AGBL4: variants seen among roughly 807,000 people sequenced by gnomAD.
AGBL4 encodes the protein cytosolic carboxypeptidase 6.
AGBL4 carries 58 observed loss-of-function variants against 66.4 expected under a neutral mutation model. That is an observed-to-expected ratio of 0.87 (90% CI 0.71 to 1.09). The LOEUF is 1.09. Ranked by LOEUF, AGBL4 falls within the 50% of genes least tolerant of loss-of-function variation. The probability of loss-of-function intolerance (pLI) is 0.00; values close to 1 mark genes in which losing one functional copy is unlikely to be tolerated. For synonymous variants in AGBL4, 234 were observed against 222.9 expected (o/e 1.05, Z -0.44); for missense variants, 579 against 631.0 (o/e 0.92, Z 0.88).
At chr1:48,880,855 G>A (rs974577444) in intron 5 of AGBL4, among the ~76,000 whole-genome samples, 1 of 152,020 alleles carries the variant, frequency 6.6e-6, no homozygotes, top group African/African-American at 2.4e-5. Flanking sequence ...TTGTGACTTG[G>A]TGTATTCTGT....
At position 48,704,119 on chromosome 1, in the gene AGBL4, A is replaced by G. The variant is rs141392660; in HGVS notation, c.635-40878T>C. On this transcript the variant is annotated intron_variant, in intron 6 of 13. Coordinates refer to ENST00000371839, the MANE Select transcript of AGBL4 (RefSeq NM_032785.4). ...GTAACTCAATGGAAAGTATTTATGT[A>G]TCTAAGCATATCTACACTTGATCTT... Among the ~76,000 whole-genome samples the G allele has an allele frequency of 1.1e-4, 16 of 152,316 alleles. No homozygotes were observed. In the East Asian group the frequency reaches 2.7e-3, roughly 26 times the overall value.
rs1645437626 is a variant in AGBL4 at position 49,624,974 on chromosome 1, A to C, written c.282+72339T>G. Among the ~76,000 whole-genome samples the C allele has an allele frequency of 3.3e-5, 5 of 152,272 alleles. No homozygotes were observed. In the South Asian group the frequency reaches 1.0e-3, roughly 32 times the overall value. ...GTTTTTAACCCACATAAAGAAACTC[A>C]TTATGACTTTGGTGTTGTGATCTGG... On this transcript the variant is annotated intron_variant, in intron 3 of 13. Transcript: ENST00000371839.
At chr1:49,093,303 C>A (rs963069026) in intron 4 of AGBL4, among the ~76,000 whole-genome samples, 2 of 152,084 alleles carry the variant, frequency 1.3e-5, no homozygotes, top group Non-Finnish European at 2.9e-5. Context: ...AACAACACAA[C>A]GCATCTTGAA....
chr1:49,162,463 G>A (rs777644975), intron 4 of AGBL4, among the ~76,000 whole-genome samples: 1 of 152,162 alleles, frequency 6.6e-6, no homozygotes, highest in Non-Finnish European at 1.5e-5. Context: ...ATGAATAAAT[G>A]TGTTATATTT....
At chr1:49,976,820 C>T (rs984946395) in intron 1 of AGBL4, among the ~76,000 whole-genome samples, 1 of 152,180 alleles carries the variant, frequency 6.6e-6, no homozygotes, top group Admixed American at 6.5e-5. Context: ...TGACGCAGTC[C>T]TCTTTCAACC....
chr1:49,457,245 G>T (rs544924029), intron 3 of AGBL4, among the ~76,000 whole-genome samples: 3 of 151,620 alleles, frequency 2.0e-5, no homozygotes, highest in South Asian at 4.2e-4. Context: ...ATTATTTTTT[G>T]ATTTTTTGAT....
chr1:49,081,808 T>C (rs1467746616), intron 4 of AGBL4, among the ~76,000 whole-genome samples: 1 of 152,236 alleles, frequency 6.6e-6, no homozygotes, highest in Admixed American at 6.5e-5. Context: ...TTCCCAATTC[T>C]GTTGCACTCT....
intron 4 of AGBL4, among the ~76,000 whole-genome samples, chr1:49,133,878 G>C (rs1250345154): frequency 6.6e-6 from 1 of 151,956 alleles, no homozygotes; most frequent in Admixed American, 6.6e-5. Context: ...GTATGTATAT[G>C]ATGTGCATCT....
intron 3 of AGBL4, among the ~76,000 whole-genome samples, chr1:49,634,221 C>T (rs1645626856): frequency 6.6e-6 from 1 of 152,038 alleles, no homozygotes; most frequent in Non-Finnish European, 1.5e-5. Flanking sequence ...ACTAGCCCCC[C>T]AACCCTGAGG....
At chr1:48,565,657 C>T (rs1644465286) in intron 11 of AGBL4, among the ~76,000 whole-genome samples, 1 of 152,144 alleles carries the variant, frequency 6.6e-6, no homozygotes, top group Non-Finnish European at 1.5e-5. Context: ...TTAATCAGCT[C>T]TAAGGTGAAT....
At chr1:49,217,884 C>A (rs575909369) in intron 4 of AGBL4, among the ~76,000 whole-genome samples, 3 of 152,070 alleles carry the variant, frequency 2.0e-5, no homozygotes, top group African/African-American at 7.2e-5. Flanking sequence ...GGGAAGAGAT[C>A]TTAAAGGCCC....
chr1:48,688,799 C>CTT (rs202245188), intron 6 of AGBL4, among the ~76,000 whole-genome samples: 4 of 144,246 alleles, frequency 2.8e-5, no homozygotes, highest in African/African-American at 1.0e-4. Context: ...TTGCAAAGCT[C>CTT]TTTTTTTTTT....
intron 1 of AGBL4, among the ~76,000 whole-genome samples, chr1:49,933,203 T>G (rs972751920): frequency 4.6e-5 from 7 of 152,168 alleles, no homozygotes; most frequent in Non-Finnish European, 7.4e-5. Flanking sequence ...TACAAGTGAG[T>G]TCCCAAGGCT....
At chr1:49,088,397 G>GA (rs1347815900) in intron 4 of AGBL4, among the ~76,000 whole-genome samples, 1 of 151,892 alleles carries the variant, frequency 6.6e-6, no homozygotes, top group Non-Finnish European at 1.5e-5. Context: ...AAGGATGAAG[G>GA]AAAATCTATC....
chr1:49,426,481 T>A (rs1645662187), intron 3 of AGBL4, among the ~76,000 whole-genome samples: 1 of 152,152 alleles, frequency 6.6e-6, no homozygotes, highest in African/African-American at 2.4e-5. Context: ...AAACCAAAAA[T>A]CATAATGGTG....
chr1:49,521,455 A>T (rs1570940442), intron 3 of AGBL4, among the ~76,000 whole-genome samples: 2 of 152,024 alleles, frequency 1.3e-5, no homozygotes, highest in Admixed American at 6.5e-5. Context: ...GAATAAATCC[A>T]CACACCTATA....
chr1:48,790,974 T>G (rs1645535470), intron 6 of AGBL4, among the ~76,000 whole-genome samples: 1 of 152,198 alleles, frequency 6.6e-6, no homozygotes, highest in Non-Finnish European at 1.5e-5. Context: ...TGTGATGCCT[T>G]CTACCATGCT....
intron 6 of AGBL4, among the ~76,000 whole-genome samples, chr1:48,851,223 T>C (rs1200174295): frequency 1.3e-5 from 2 of 152,182 alleles, no homozygotes; most frequent in East Asian, 3.9e-4. Context: ...TTCAGTGAAC[T>C]AAATAGCCCA....
intron 3 of AGBL4, among the ~76,000 whole-genome samples, chr1:49,444,574 T>C (rs189980426): frequency 6.6e-6 from 1 of 152,176 alleles, no homozygotes; most frequent in Admixed American, 6.5e-5. Context: ...TTCTGTCTTA[T>C]CTGTTACAAG....
Sources: gnomAD v4.1 joint callset for allele counts (sites outside exome capture counted in the v4.1 genomes callset) on GRCh38, gnomAD v4.1.1 for gene constraint, MANE v1.5 for transcripts, NCBI Gene and HGNC (gene_info 2026-07-23, HGNC 2026-07-21) for gene names.